Variants in LRP1B observed in about 807,000 individuals in gnomAD.
LRP1B encodes low-density lipoprotein receptor-related protein 1B.
LRP1B carries 217 observed loss-of-function variants against 556.6 expected under a neutral mutation model. That is an observed-to-expected ratio of 0.39 (90% CI 0.35 to 0.44). The LOEUF (loss-of-function observed/expected upper bound fraction) is 0.44. LRP1B is among the 20% of genes least tolerant of loss of function. The pLI, the probability that LRP1B is intolerant of heterozygous loss-of-function variation, is 1.00. For synonymous variants in LRP1B, 2,047 were observed against 1,865.8 expected (o/e 1.10, Z -2.50); for missense variants, 5,053 against 5,620.8 (o/e 0.90, Z 3.23).
intron 41 of LRP1B, among the ~76,000 whole-genome samples, chr2:140,624,274 A>T (rs1246872745): frequency 6.6e-6 from 1 of 152,002 alleles, no homozygotes; most frequent in Non-Finnish European, 1.5e-5. Flanking sequence ...ATACCATGCA[A>T]ACTTTAGTTC....
At position 141,423,852 on chromosome 2, in the gene LRP1B, C is replaced by A. The variant is rs537710119; in HGVS notation, c.343+56544G>T. Among the ~76,000 whole-genome samples, 10 of 151,244 alleles carry A rather than the reference C, an allele frequency of 6.6e-5. No individual in the cohort carries two copies. In the South Asian group the frequency reaches 2.1e-3, roughly 31 times the overall value. ...AAAAAAAAAACCCTACATTTACACA[C>A]ATAGTTTAGTTATAAATATATAAAT... On this transcript the variant is annotated intron_variant, in intron 3 of 90. Transcript: ENST00000389484.
intron 41 of LRP1B, among the ~76,000 whole-genome samples, chr2:140,614,140 C>T (rs978423327): frequency 3.4e-4 from 52 of 152,096 alleles, no homozygotes; most frequent in African/African-American, 1.2e-3. Flanking sequence ...TGTTCAGGCC[C>T]CTACTTCCTC....
intron 2 of LRP1B, among the ~76,000 whole-genome samples, chr2:141,489,112 C>CTTTTT (rs70994433): frequency 3.9e-5 from 3 of 76,080 alleles, no homozygotes; most frequent in African/African-American, 1.2e-4. Context: ...TGATGCTTGG[C>CTTTTT]TTTTTTTTTT....
intron 55 of LRP1B, among the ~76,000 whole-genome samples, chr2:140,499,866 G>A (rs1341871663): frequency 5.3e-5 from 8 of 151,872 alleles, no homozygotes; most frequent in Admixed American, 3.9e-4. Context: ...CTGTATATAT[G>A]ATAGAACTAA....
chr2:140,825,206 AAGAGATAGG>A (rs1429251872), intron 31 of LRP1B, among the ~76,000 whole-genome samples: 1 of 152,160 alleles, frequency 6.6e-6, no homozygotes, highest in East Asian at 1.9e-4. Flanking sequence ...CTAAACTAAG[AAGAGATAGG>A]AGACATTTCT....
chr2:140,763,865 C>T (rs528277283), intron 35 of LRP1B, among the ~76,000 whole-genome samples: 2 of 152,138 alleles, frequency 1.3e-5, no homozygotes, highest in East Asian at 3.9e-4. Context: ...ACACTGTTCA[C>T]ATGATTAAAA....
At chr2:140,900,972 A>G (rs1694088302) in intron 23 of LRP1B, among the ~76,000 whole-genome samples, 1 of 152,192 alleles carries the variant, frequency 6.6e-6, no homozygotes, top group Non-Finnish European at 1.5e-5. Context: ...TTCATAATAT[A>G]TGGGTTCTTA....
chr2:141,763,094 G>C (rs1230396510), intron 2 of LRP1B, among the ~76,000 whole-genome samples: 2 of 152,124 alleles, frequency 1.3e-5, no homozygotes, highest in East Asian at 3.9e-4. Context: ...TTGTGTATAA[G>C]AGAAGAACAA....
chr2:141,757,182 T>A (rs980229882), intron 2 of LRP1B, among the ~76,000 whole-genome samples: 1 of 152,190 alleles, frequency 6.6e-6, no homozygotes, highest in African/African-American at 2.4e-5. Context: ...AGTAGAAATT[T>A]TTTTAAGTCC....
rs1343517792 is a variant in LRP1B, at chr2:140,932,892, C to CACACACAT, written c.3137-9746_3137-9745insATGTGTGT. Among the ~76,000 whole-genome samples the CACACACAT allele has an allele frequency of 5.9e-4, 87 of 148,524 alleles. 3 individuals are homozygous for CACACACAT. In the East Asian group the frequency reaches 0.015, roughly 25 times the overall value. Reference sequence around the variant, plus strand: ...CACTCTCTCTCTCTCCCTATACACACACACACACACACACACACACACACA... The same window carrying CACACACAT: ...CACTCTCTCTCTCTCCCTATACACACACACACATACACACACACACACACACACACACA... On this transcript the variant is annotated intron_variant, in intron 20 of 90. Transcript: ENST00000389484.
intron 41 of LRP1B, among the ~76,000 whole-genome samples, chr2:140,624,813 T>C (rs931871868): frequency 6.6e-6 from 1 of 152,280 alleles, no homozygotes; most frequent in Admixed American, 6.5e-5. Context: ...AAAATACTAA[T>C]TGCAAAAGAT....
intron 7 of LRP1B, among the ~76,000 whole-genome samples, chr2:141,128,250 G>C (rs2105018510): frequency 6.6e-6 from 1 of 152,206 alleles, no homozygotes; most frequent in East Asian, 1.9e-4. Flanking sequence ...TTAATTTACG[G>C]AAGTTTCAAT....
At chr2:140,676,980 A>G (rs868330281) in intron 41 of LRP1B, among the ~76,000 whole-genome samples, 1 of 152,252 alleles carries the variant, frequency 6.6e-6, no homozygotes, top group Non-Finnish European at 1.5e-5. Context: ...AAACAAATGA[A>G]CAATCATTGC....
At chr2:140,947,385 A>C (rs1695576977) in intron 20 of LRP1B, among the ~76,000 whole-genome samples, 1 of 152,162 alleles carries the variant, frequency 6.6e-6, no homozygotes, top group South Asian at 2.1e-4. Context: ...TGCTCTGCTT[A>C]TCCATGCAGT....
intron 3 of LRP1B, among the ~76,000 whole-genome samples, chr2:141,328,062 G>A (rs2244402): frequency 0.59 from 89,729 of 152,036 alleles, 27,546 homozygotes; most frequent in African/African-American, 0.71. Context: ...AAGAAAAATT[G>A]TCATCCAGAT....
chr2:140,969,648 T>C (rs1696347242), intron 18 of LRP1B, among the ~76,000 whole-genome samples: 1 of 152,222 alleles, frequency 6.6e-6, no homozygotes, highest in Admixed American at 6.5e-5. Context: ...GCATGTTTTT[T>C]GCAGTGTCTG....
intron 1 of LRP1B, among the ~76,000 whole-genome samples, chr2:141,881,589 T>C (rs534398137): frequency 5.8e-4 from 88 of 152,250 alleles, no homozygotes; most frequent in African/African-American, 2.1e-3. Context: ...CGGCAGATAT[T>C]CTTTGATTAA....
intron 1 of LRP1B, among the ~76,000 whole-genome samples, chr2:142,078,335 C>T (rs970459664): frequency 6.6e-6 from 1 of 152,160 alleles, no homozygotes; most frequent in African/African-American, 2.4e-5. Flanking sequence ...TCCCTTGCTT[C>T]AGAGAGCCTA....
intron 3 of LRP1B, among the ~76,000 whole-genome samples, chr2:141,258,872 T>C (rs1316752034): frequency 2.6e-5 from 4 of 152,170 alleles, no homozygotes; most frequent in African/African-American, 9.7e-5. Context: ...CCCTCAGCCA[T>C]TCTTCCTGTA....
Sources: allele counts gnomAD v4.1 joint callset (sites outside exome capture counted in the v4.1 genomes callset), GRCh38; gene constraint gnomAD v4.1.1; transcripts MANE v1.5; gene names NCBI Gene and HGNC (gene_info 2026-07-23, HGNC 2026-07-21).